The following NFIB variants were observed in gnomAD, a reference collection of about 807,000 sequenced individuals.
The protein encoded by NFIB is nuclear factor I B, also known as nuclear factor 1 B-type.
Under a neutral mutation model 61.5 loss-of-function variants are expected in NFIB, and 11 were observed. The ratio of observed to expected loss-of-function variants is 0.18; its 90% CI spans 0.11 to 0.30. The LOEUF is 0.30. NFIB is among the 10% of genes least tolerant of loss of function. NFIB has a pLI of 1.00. For synonymous variants in NFIB, 260 were observed against 216.5 expected (o/e 1.20, Z -1.76); for missense variants, 471 against 608.9 (o/e 0.77, Z 2.38).
chr9:14,291,266 C>T (rs2059077603), intron 2 of NFIB, among the ~76,000 whole-genome samples: 1 of 152,044 alleles, frequency 6.6e-6, no homozygotes, highest in African/African-American at 2.4e-5. Flanking sequence ...GGGTGGATCA[C>T]TCGAGGTCAG....
At chr9:14,299,823 A>G (rs915756121) in intron 2 of NFIB, among the ~76,000 whole-genome samples, 7 of 152,232 alleles carry the variant, frequency 4.6e-5, no homozygotes, top group Non-Finnish European at 7.3e-5. Context: ...GCATGTAATC[A>G]TCTGCTTTCC....
At chr9:14,133,930 G>T (rs1250520896) in intron 6 of NFIB, among the ~76,000 whole-genome samples, 1 of 151,810 alleles carries the variant, frequency 6.6e-6, no homozygotes, top group Admixed American at 6.6e-5. Flanking sequence ...GAGGAAGAAA[G>T]GAGAGAGAGA....
At chr9:14,402,361 A>G (rs919394910), upstream of NFIB, among the ~76,000 whole-genome samples, 2 of 152,136 alleles carry the variant, frequency 1.3e-5, no homozygotes, top group Admixed American at 6.5e-5. Context: ...CTTCTTTGAG[A>G]CTCTGTACTT....
intron 1 of NFIB, among the ~76,000 whole-genome samples, chr9:14,310,734 T>C (rs1463836166): frequency 1.3e-5 from 2 of 152,208 alleles, no homozygotes; most frequent in African/African-American, 4.8e-5. Flanking sequence ...AATGCATTGA[T>C]GTTCAGTAAT....
the NFIB span, among the ~76,000 whole-genome samples, chr9:14,417,433 T>C: frequency 6.6e-6 from 1 of 152,162 alleles, no homozygotes; most frequent in Non-Finnish European, 1.5e-5. Context: ...TGCCTAATGA[T>C]GCATTTCTCA....
chr9:14,347,270 T>G (rs780749326), intron 1 of NFIB: 4 of 152,008 alleles, frequency 2.6e-5, no homozygotes, highest in South Asian at 2.1e-4. Flanking sequence ...GTCGAGGCAC[T>G]GAGAGTGGGG....
intron 2 of NFIB, among the ~76,000 whole-genome samples, chr9:14,181,606 C>CT (rs1412927837): frequency 7.9e-5 from 12 of 152,190 alleles, no homozygotes; most frequent in Non-Finnish European, 1.6e-4. Flanking sequence ...TAAATCATAA[C>CT]TTTTTGCTAT....
At chr9:14,248,771 CA>C (rs973801208) in intron 2 of NFIB, among the ~76,000 whole-genome samples, 1 of 152,154 alleles carries the variant, frequency 6.6e-6, no homozygotes, top group Admixed American at 6.5e-5. Context: ...AGATCCAGCC[CA>C]GGAACGTCTG....
chr9:14,502,697 A>G, the NFIB span, among the ~76,000 whole-genome samples: 2 of 151,996 alleles, frequency 1.3e-5, no homozygotes, highest in East Asian at 3.9e-4. Flanking sequence ...TCCTAGGGGG[A>G]AGTTTTATTT....
At chr9:14,501,980 G>C in the NFIB span, among the ~76,000 whole-genome samples, 1 of 152,190 alleles carries the variant, frequency 6.6e-6, no homozygotes, top group Non-Finnish European at 1.5e-5. Flanking sequence ...ACCTCTGCTG[G>C]CCAGGGAGAG....
chr9:14,436,977 A>G, the NFIB span, among the ~76,000 whole-genome samples: 2 of 152,214 alleles, frequency 1.3e-5, no homozygotes, highest in African/African-American at 4.8e-5. Flanking sequence ...TGAGAAAGGC[A>G]GGAAGGCATT....
rs894249975 is a variant in NFIB at position 14,084,681 on chromosome 9, C to T, written c.*3628G>A. On this transcript the variant is annotated 3_prime_UTR_variant, in exon 11 of 11. Transcript: ENST00000380953. ...CCTACTCATGCCCTTGGGTGACCTT[C>T]GCCATCCTGAAGCTCTGCAGTTCTG... The T allele has an allele frequency of 4.8e-5, 11 of 229,900 alleles. No homozygotes were observed. The highest frequency in any genetic ancestry group is 1.8e-4 in the African/African-American group (8 of 45,138). 14.2% of individuals were successfully genotyped at this position (229,900 alleles called of 1,614,324 possible).
At chr9:14,294,890 G>A (rs543081880) in intron 2 of NFIB, among the ~76,000 whole-genome samples, 1 of 152,210 alleles carries the variant, frequency 6.6e-6, no homozygotes, top group South Asian at 2.1e-4. Context: ...AACCTCCTGT[G>A]CAAAGTGAGG....
chr9:14,355,888 C>T (rs1482646369), intron 1 of NFIB, among the ~76,000 whole-genome samples: 3 of 151,440 alleles, frequency 2.0e-5, no homozygotes, highest in Non-Finnish European at 2.9e-5. Flanking sequence ...ACCCGGGAGG[C>T]GGAGCTTGCA....
At chr9:14,456,538 C>A in the NFIB span, among the ~76,000 whole-genome samples, 1 of 152,086 alleles carries the variant, frequency 6.6e-6, no homozygotes, top group Non-Finnish European at 1.5e-5. Context: ...AATATCAACA[C>A]ATAGTTCAAA....
At chr9:14,337,779 AC>A in intron 1 of NFIB, among the ~76,000 whole-genome samples, 1 of 152,302 alleles carries the variant, frequency 6.6e-6, no homozygotes, top group South Asian at 2.1e-4. Context: ...TGGCTTTTAT[AC>A]ATTCAGCTGT....
At chr9:14,212,215 A>G (rs936827305) in intron 2 of NFIB, among the ~76,000 whole-genome samples, 3 of 152,260 alleles carry the variant, frequency 2.0e-5, no homozygotes, top group South Asian at 4.1e-4. Context: ...ACAAATAATT[A>G]GAATACTTAT....
chr9:14,142,073 A>T (rs2041791445), intron 6 of NFIB, among the ~76,000 whole-genome samples: 1 of 152,166 alleles, frequency 6.6e-6, no homozygotes, highest in Admixed American at 6.5e-5. Flanking sequence ...GTGACCTTAT[A>T]AAGAATTGTT....
At chr9:14,173,170 G>A (rs1362301083) in intron 3 of NFIB, among the ~76,000 whole-genome samples, 1 of 152,198 alleles carries the variant, frequency 6.6e-6, no homozygotes, top group Non-Finnish European at 1.5e-5. Context: ...CCTGCTATCT[G>A]TCAGGTGTGC....
Sources: allele counts gnomAD v4.1 joint callset (sites outside exome capture counted in the v4.1 genomes callset), GRCh38; gene constraint gnomAD v4.1.1; transcripts MANE v1.5; gene names NCBI Gene and HGNC (gene_info 2026-07-23, HGNC 2026-07-21).